Variants in CCBE1 observed in about 807,000 individuals in gnomAD.
CCBE1 encodes collagen and calcium-binding EGF domain-containing protein 1.
CCBE1 carries 37 observed loss-of-function variants against 50.0 expected under a neutral mutation model. The observed-to-expected ratio is 0.74, with a 90% CI of 0.57 to 0.97. The LOEUF is 0.97. Ranked by LOEUF, CCBE1 falls within the 50% of genes least tolerant of loss-of-function variation. The pLI is 0.00. For synonymous variants in CCBE1, 234 were observed against 203.7 expected (o/e 1.15, Z -1.27); for missense variants, 538 against 523.8 (o/e 1.03, Z -0.26).
chr18:59,469,736 G>C (rs570526409), intron 3 of CCBE1, 129 bp from the exon 4 acceptor site: 10 of 1,214,192 alleles, frequency 8.2e-6, no homozygotes, highest in African/African-American at 5.9e-5. Flanking sequence ...AGATATACTT[G>C]GAGGGACAGG....
At chr18:59,549,310 ATTC>A (rs1216019313) in intron 2 of CCBE1, among the ~76,000 whole-genome samples, 1 of 152,118 alleles carries the variant, frequency 6.6e-6, no homozygotes, top group East Asian at 1.9e-4. Flanking sequence ...TAGCTAAGCC[ATTC>A]TTCTTATTCT....
At chr18:59,682,196 T>C (rs950943837) in intron 2 of CCBE1, among the ~76,000 whole-genome samples, 5 of 152,222 alleles carry the variant, frequency 3.3e-5, no homozygotes, top group Non-Finnish European at 7.3e-5. Flanking sequence ...ACCCTGTCTC[T>C]ACTAAAAATA....
chr18:59,586,199 C>G (rs983283969), intron 2 of CCBE1, among the ~76,000 whole-genome samples: 1 of 152,090 alleles, frequency 6.6e-6, no homozygotes, highest in Non-Finnish European at 1.5e-5. Flanking sequence ...ATAAAGGACT[C>G]AAAGTTTTTA....
intron 3 of CCBE1, 90 bp downstream of exon 3, chr18:59,480,096 A>G (rs1912496832): frequency 1.1e-6 from 1 of 890,442 alleles, no homozygotes; most frequent in Non-Finnish European, 1.8e-6. Context: ...GACACAGATA[A>G]GACCTATATT....
At chr18:59,658,829 A>G (rs771783698) in intron 2 of CCBE1, among the ~76,000 whole-genome samples, 5 of 146,980 alleles carry the variant, frequency 3.4e-5, no homozygotes, top group African/African-American at 5.1e-5. Context: ...GCAGTGAGCC[A>G]AGATCGTGCC....
chr18:59,592,732 T>C (rs2053289856), intron 2 of CCBE1, among the ~76,000 whole-genome samples: 2 of 152,200 alleles, frequency 1.3e-5, no homozygotes, highest in Admixed American at 1.3e-4. Context: ...AGTAAGGAAG[T>C]GACACTTCTC....
intron 6 of CCBE1, among the ~76,000 whole-genome samples, chr18:59,451,920 C>T (rs1910953730): frequency 6.6e-6 from 1 of 151,680 alleles, no homozygotes; most frequent in African/African-American, 2.4e-5. Context: ...TCAGTCTCCT[C>T]TCTTCCCCAA....
intron 4 of CCBE1, among the ~76,000 whole-genome samples, chr18:59,468,569 A>T (rs1911865656): frequency 6.6e-6 from 1 of 152,132 alleles, no homozygotes; most frequent in African/African-American, 2.4e-5. Context: ...CCATTCCCAA[A>T]TGCCGACAGG....
intron 4 of CCBE1, among the ~76,000 whole-genome samples, chr18:59,468,988 T>C (rs1412839726): frequency 6.6e-6 from 1 of 152,112 alleles, no homozygotes; most frequent in African/African-American, 2.4e-5. Flanking sequence ...AGCCAGTTCA[T>C]GAGGGTGGCA....
intron 2 of CCBE1, among the ~76,000 whole-genome samples, chr18:59,514,919 T>C (rs1343224290): frequency 1.3e-5 from 2 of 152,160 alleles, no homozygotes; most frequent in Non-Finnish European, 2.9e-5. Flanking sequence ...ACGCCTAGAA[T>C]TACAATAACC....
At chr18:59,684,881 C>T (rs528565922) in intron 2 of CCBE1, among the ~76,000 whole-genome samples, 1 of 152,150 alleles carries the variant, frequency 6.6e-6, no homozygotes, top group Non-Finnish European at 1.5e-5. Flanking sequence ...CTTTTGTTTT[C>T]TGGGGTGGAG....
chr18:59,661,547 T>C (rs577085713), intron 2 of CCBE1, among the ~76,000 whole-genome samples: 2 of 151,420 alleles, frequency 1.3e-5, no homozygotes, highest in Non-Finnish European at 2.9e-5. Flanking sequence ...AGAAACTGAG[T>C]TGGCAAATAC....
chr18:59,601,010 G>GTTTTTTTTTTTTTTTTT lies in CCBE1; in HGVS notation c.212+95602_212+95618dup, dbSNP rs71177045. ...GATCTATTTTATTAGCTATGTGTCA[G>GTTTTTTTTTTTTTTTTT]TTTTTTTTTTTTTTTTTTTTTTTTT... On this transcript the variant is annotated intron_variant, in intron 2 of 10. Coordinates refer to ENST00000439986, the MANE Select transcript of CCBE1 (RefSeq NM_133459.4). Among the ~76,000 whole-genome samples the GTTTTTTTTTTTTTTTTT allele has an allele frequency of 4.3e-4, 25 of 58,014 alleles. 10 individuals are homozygous for GTTTTTTTTTTTTTTTTT. Among genetic ancestry groups the GTTTTTTTTTTTTTTTTT allele is most frequent in the African/African-American group, 4.3e-4 (8 of 18,618 alleles). 38.1% of individuals were successfully genotyped at this position (58,014 alleles called of 152,430 possible). A position where few individuals can be genotyped will look rare whatever the true frequency, so the allele number is the denominator to read the frequency against.
intron 2 of CCBE1, among the ~76,000 whole-genome samples, chr18:59,628,822 C>T (rs1361378278): frequency 2.0e-5 from 3 of 152,202 alleles, no homozygotes. Context: ...ACCAACCTGC[C>T]TAGCTATAAC....
At chr18:59,667,904 T>C (rs1440928219) in intron 2 of CCBE1, among the ~76,000 whole-genome samples, 1 of 152,064 alleles carries the variant, frequency 6.6e-6, no homozygotes, top group Non-Finnish European at 1.5e-5. Context: ...TGAATATTTC[T>C]GTAAAACTGG....
At chr18:59,458,142 A>G (rs1911286324) in intron 5 of CCBE1, among the ~76,000 whole-genome samples, 1 of 148,674 alleles carries the variant, frequency 6.7e-6, no homozygotes, top group African/African-American at 2.4e-5. Flanking sequence ...CCATCCATCC[A>G]TCCATCTATC....
chr18:59,575,837 C>A (rs1332734816), intron 2 of CCBE1, among the ~76,000 whole-genome samples: 2 of 152,186 alleles, frequency 1.3e-5, no homozygotes, highest in Admixed American at 1.3e-4. Flanking sequence ...CCCCTCCCAC[C>A]TCGCCAATTT....
chr18:59,524,465 G>T (rs1408362785), intron 2 of CCBE1, among the ~76,000 whole-genome samples: 1 of 151,996 alleles, frequency 6.6e-6, no homozygotes, highest in East Asian at 1.9e-4. Flanking sequence ...ATAAACCTTT[G>T]CATTCTATCC....
rs867951056 is a variant in CCBE1, at chr18:59,432,653, A to T, written c.*3255T>A. 6.6e-6 allele frequency: 1 copy of T among 152,178 alleles called. No homozygotes were observed. Among genetic ancestry groups the T allele is most frequent in the Non-Finnish European group, 1.5e-5 (1 of 68,032 alleles). The allele number at this position is 152,178 out of a possible 1,614,324, so 9.4% of individuals were successfully genotyped here. A position where few individuals can be genotyped will look rare whatever the true frequency, so the allele number is the denominator to read the frequency against. ...TCTGAGGATTAAAAATTATTTTCTAAATTAACTTGGTCCAGCAGATTGACA... is the reference window on the plus strand; with the variant it reads ...TCTGAGGATTAAAAATTATTTTCTATATTAACTTGGTCCAGCAGATTGACA... On this transcript the variant is annotated 3_prime_UTR_variant, in exon 11 of 11. Transcript: ENST00000439986.
Sources: allele counts gnomAD v4.1 joint callset (sites outside exome capture counted in the v4.1 genomes callset), GRCh38; gene constraint gnomAD v4.1.1; transcripts MANE v1.5; gene names NCBI Gene and HGNC (gene_info 2026-07-23, HGNC 2026-07-21).